SEC14L5: variants seen among roughly 807,000 people sequenced by gnomAD.
SEC14L5 encodes the protein SEC14-like protein 5.
Under a neutral mutation model 84.6 loss-of-function variants are expected in SEC14L5, and 96 were observed. The ratio of observed to expected loss-of-function variants is 1.13; its 90% CI spans 0.96 to 1.34. The LOEUF is 1.34. Among genes scored for constraint, SEC14L5 ranks in the 40% most tolerant of loss-of-function variants. The probability of loss-of-function intolerance (pLI) is 0.00; values close to 1 mark genes in which losing one functional copy is unlikely to be tolerated. For missense variants in SEC14L5, 1,224 were observed against 942.5 expected (o/e 1.30, Z -3.91); for synonymous variants, 546 against 383.4 (o/e 1.42, Z -4.95).
rs1429371279 is a variant in SEC14L5, at chr16:5,000,844, C to A, written c.1060-11C>A. The A allele has an allele frequency of 1.9e-6, 3 of 1,599,088 alleles. No homozygotes were observed. On this transcript the variant is annotated splice_polypyrimidine_tract_variant and intron_variant, in intron 9 of 15. Transcript: ENST00000251170. ...AGGCGGACGTTGAGCAGCACTGTCT[C>A]TCCCTTCCAGGTTCTCTCCGTCAAC...
intron 2 of SEC14L5, among the ~76,000 whole-genome samples, chr16:4,971,220 G>A (rs1398367796): frequency 6.6e-6 from 1 of 152,220 alleles, no homozygotes; most frequent in Non-Finnish European, 1.5e-5. Flanking sequence ...ACTTTGGAAT[G>A]CTAAGGCAAG....
chr16:5,019,141 C>A lies in SEC14L5; in HGVS notation c.*4171C>A, dbSNP rs942896758. The A allele has an allele frequency of 2.0e-5, 3 of 152,214 alleles. No homozygotes were observed. The highest frequency in any genetic ancestry group is 7.2e-5 in the African/African-American group (3 of 41,424). 9.4% of individuals were successfully genotyped at this position (152,214 alleles called of 1,614,324 possible). A position where few individuals can be genotyped will look rare whatever the true frequency, so the allele number is the denominator to read the frequency against. On this transcript the variant is annotated 3_prime_UTR_variant, in exon 16 of 16. Coordinates refer to ENST00000251170, the MANE Select transcript of SEC14L5 (RefSeq NM_014692.2). ...ATGTGCTCCAACACGAGTTCGTAAA[C>A]TTTCTTAAAATACTGAGGTTTTTTG...
chr16:4,995,424 G>A (rs1955598437), intron 6 of SEC14L5, among the ~76,000 whole-genome samples: 1 of 152,190 alleles, frequency 6.6e-6, no homozygotes, highest in Admixed American at 6.5e-5. Context: ...CTGCTAAAGA[G>A]AGCATGGCTG....
At chr16:4,961,315 C>A (rs1020669369) in intron 2 of SEC14L5, among the ~76,000 whole-genome samples, 12 of 151,620 alleles carry the variant, frequency 7.9e-5, no homozygotes, top group Non-Finnish European at 1.8e-4. Flanking sequence ...AGTTGCTGAA[C>A]TTTTCTGAGC....
chr16:4,971,952 C>G (rs1220298875), intron 2 of SEC14L5, among the ~76,000 whole-genome samples: 1 of 152,042 alleles, frequency 6.6e-6, no homozygotes, highest in African/African-American at 2.4e-5. Flanking sequence ...CAAACAAACG[C>G]AGACATAATG....
At chr16:5,001,085 G>A (rs1955671694) in intron 10 of SEC14L5, among the ~76,000 whole-genome samples, 160 bp downstream of exon 10, 1 of 152,056 alleles carries the variant, frequency 6.6e-6, no homozygotes, top group Non-Finnish European at 1.5e-5. Flanking sequence ...GGGCCCGTAA[G>A]CATCCCCGTT....
intron 2 of SEC14L5, among the ~76,000 whole-genome samples, chr16:4,962,470 C>T (rs1955135620): frequency 6.6e-6 from 1 of 152,054 alleles, no homozygotes; most frequent in African/African-American, 2.4e-5. Context: ...GGCGGACCAC[C>T]TCAGGTCAGG....
At position 4,996,956 on chromosome 16, in the gene SEC14L5, G is replaced by T. The variant is rs1232923544; in HGVS notation, c.882G>T (p.Gln294His). The T allele has an allele frequency of 1.9e-6, 3 of 1,613,660 alleles. No homozygotes were observed. The highest frequency in any genetic ancestry group is 2.2e-5 in the South Asian group (2 of 91,012). The change falls in exon 8 of 16, where the codon CAG becomes CAT. Residue 294 changes from glutamine (Q) to histidine (H), a missense_variant. Gln to His is a conservative substitution (Grantham distance 24). Transcript: ENST00000251170. ...MLRQSLSWRKQHQVDLLLQTW... is the reference protein window; with the variant it reads ...MLRQSLSWRKHHQVDLLLQTW... ...GCCAGTCCTTGAGCTGGCGCAAGCA[G>T]CACCAGGTGGATCTCCTCCTTCAGA...
intron 2 of SEC14L5, among the ~76,000 whole-genome samples, chr16:4,962,120 C>T (rs1955129275): frequency 7.2e-6 from 1 of 139,624 alleles, no homozygotes; most frequent in Admixed American, 7.6e-5. Flanking sequence ...GGACTGGACA[C>T]ACAGTCCTGC....
chr16:5,004,903 T>G (rs1045290537), intron 11 of SEC14L5, among the ~76,000 whole-genome samples: 1 of 152,168 alleles, frequency 6.6e-6, no homozygotes. Context: ...CATTCGTCCA[T>G]AAGAAGGAAG....
chr16:4,974,715 C>T (rs904140302), intron 2 of SEC14L5, among the ~76,000 whole-genome samples: 2 of 152,010 alleles, frequency 1.3e-5, no homozygotes, highest in African/African-American at 4.8e-5. Context: ...ATTCCTCACT[C>T]CCTCCCAGTC....
chr16:4,976,893 T>C (rs1420330274), intron 2 of SEC14L5, among the ~76,000 whole-genome samples: 1 of 152,192 alleles, frequency 6.6e-6, no homozygotes, highest in Admixed American at 6.5e-5. Flanking sequence ...TCAAGCCAAC[T>C]GTAGGGACAG....
At chr16:4,971,110 G>C (rs200034550) in intron 2 of SEC14L5, among the ~76,000 whole-genome samples, 5 of 129,714 alleles carry the variant, frequency 3.9e-5, no homozygotes, top group East Asian at 2.3e-4. Flanking sequence ...AAAAAAAAAA[G>C]AACTAGCTGA....
At chr16:5,010,993 C>T in intron 14 of SEC14L5, 102 bp from the exon 15 acceptor site, 9 of 1,161,136 alleles carry the variant, frequency 7.8e-6, no homozygotes, top group Non-Finnish European at 8.4e-6. Flanking sequence ...GGAGAAGAGC[C>T]CCAATTTCCA....
At position 5,000,739 on chromosome 16, in the gene SEC14L5, G is replaced by A. The variant is rs1335101248; in HGVS notation, c.1055G>A (p.Arg352Gln). ...MKAVGEEALL[R>Q]HVLSVNEEGQ... ...GCCGTGGGGGAGGAGGCGCTGCTGC[G>A]GCATGTGAGTCAGGGGCCTCGTTCC... The change falls in exon 9 of 16, where the codon CGG becomes CAG. Residue 352 changes from arginine to glutamine, a missense_variant. By Grantham distance (43) the Arg-to-Gln change is conservative. Coordinates refer to ENST00000251170, the MANE Select transcript of SEC14L5 (RefSeq NM_014692.2). The A allele has an allele frequency of 3.2e-6, 5 of 1,552,998 alleles. No individual in the cohort carries two copies. Among genetic ancestry groups the A allele is most frequent in the African/African-American group, 2.7e-5 (2 of 73,126 alleles).
chr16:5,011,033 C>G, intron 14 of SEC14L5, 62 bp from the exon 15 acceptor site: 1 of 1,483,938 alleles, frequency 6.7e-7, no homozygotes, highest in Non-Finnish European at 9.1e-7. Context: ...CATGAAGGCT[C>G]AGCCTCCTTG....
At chr16:5,009,266 C>G (rs1955772344) in intron 14 of SEC14L5, among the ~76,000 whole-genome samples, 1 of 152,124 alleles carries the variant, frequency 6.6e-6, no homozygotes, top group African/African-American at 2.4e-5. Flanking sequence ...CCTCCCCTCT[C>G]TCCTGTAAGG....
rs547667338 is a variant in SEC14L5, at chr16:4,973,791, T to C, written c.64-13766T>C. 2.0e-5 allele frequency among the ~76,000 whole-genome samples: 3 copies of C among 151,788 alleles called. No homozygotes were observed. The South Asian group carries it at 6.3e-4, about 32-fold the overall frequency. On this transcript the variant is annotated intron_variant, in intron 2 of 15. Transcript: ENST00000251170. ...TCCACCTCCCGGGTTCAAACGACTGTTGTGCCTCAGCCTCCTGAGTAGCTG... is the reference window on the plus strand; with the variant it reads ...TCCACCTCCCGGGTTCAAACGACTGCTGTGCCTCAGCCTCCTGAGTAGCTG...
In SEC14L5 at chr16:5,008,544, G is replaced by T; in HGVS notation, c.1696G>T (p.Gly566Trp). The T allele has an allele frequency of 6.2e-7, 1 of 1,609,432 alleles. No homozygotes were observed. The change falls in exon 14 of 16, where the codon GGG becomes TGG. Residue 566 changes from glycine (G) to tryptophan (W), a missense_variant. By Grantham distance (184) the Gly-to-Trp change is radical. Coordinates refer to ENST00000251170, the MANE Select transcript of SEC14L5 (RefSeq NM_014692.2). ...QAPRLGAREP[G>W]TRASGQLIDK... ...GCCCAGGCTGGGCGCCCGGGAACCG[G>T]GGACCAGGGCCAGCGGGCAGCTGAT...
Sources: allele counts gnomAD v4.1 joint callset (sites outside exome capture counted in the v4.1 genomes callset), GRCh38; gene constraint gnomAD v4.1.1; transcripts MANE v1.5; gene names NCBI Gene and HGNC (gene_info 2026-07-23, HGNC 2026-07-21).